The following FGD5 variants were observed in gnomAD, a reference collection of about 807,000 sequenced individuals.
FGD5 encodes FYVE, RhoGEF and PH domain-containing protein 5.
A neutral mutation model predicts 133.4 loss-of-function variants in FGD5; 28 were observed. The observed-to-expected ratio is 0.21, with a 90% CI of 0.16 to 0.29. The LOEUF is 0.29. Ranked by LOEUF, FGD5 falls within the 10% of genes least tolerant of loss-of-function variation. The pLI is 1.00. For missense variants in FGD5, 1,858 were observed against 1,895.2 expected (o/e 0.98, Z 0.36); for synonymous variants, 810 against 776.5 (o/e 1.04, Z -0.72).
rs773488518 is a variant in FGD5, at chr3:14,932,642, C to A, written c.4263C>A (p.Gly1421=). The change falls in exon 19 of 20, where the codon GGC becomes GGA. Residue 1421 remains glycine, a synonymous_variant. Transcript: ENST00000285046. ...CCATTGCTCCAGAAAAGGAAGAGGG[C>A]AGCAGTGAAGTAGGACCTATTTTTC... ...GFTIAPEKEE[G]SSEVGPIFHL... 6.2e-7 allele frequency: 1 copy of A among 1,614,040 alleles called. No individual in the cohort carries two copies. The highest frequency in any genetic ancestry group is 8.5e-7 in the Non-Finnish European group (1 of 1,179,878).
At chr3:14,818,200 C>T (rs1432462590), upstream of FGD5, among the ~76,000 whole-genome samples, 2 of 152,172 alleles carry the variant, frequency 1.3e-5, no homozygotes, top group East Asian at 1.9e-4. Context: ...TCCAGAGATC[C>T]ATGTTGGCAC....
chr3:14,867,739 T>G (rs1274406599), intron 2 of FGD5, among the ~76,000 whole-genome samples: 1 of 152,182 alleles, frequency 6.6e-6, no homozygotes, highest in Non-Finnish European at 1.5e-5. Context: ...GTCTCCATCC[T>G]CATTTGTCTT....
intron 2 of FGD5, among the ~76,000 whole-genome samples, chr3:14,871,991 A>AC (rs1460873328): frequency 1.3e-5 from 2 of 152,154 alleles, no homozygotes; most frequent in African/African-American, 4.8e-5. Context: ...CCCAGGTCCC[A>AC]CCCCATACTT....
chr3:14,919,414 C>A (rs904554764), intron 13 of FGD5, among the ~76,000 whole-genome samples: 2 of 152,070 alleles, frequency 1.3e-5, no homozygotes, highest in Non-Finnish European at 2.9e-5. Context: ...GTCACAAGAT[C>A]GAGGCCATCC....
chr3:14,926,622 ACT>A (rs1195396533), intron 18 of FGD5, among the ~76,000 whole-genome samples: 7 of 152,198 alleles, frequency 4.6e-5, no homozygotes, highest in Non-Finnish European at 1.0e-4. Flanking sequence ...TTATAGGGTA[ACT>A]CTAGTAATTC....
rs373113558 is a variant in FGD5 at position 14,924,053 on chromosome 3, C to T, written c.3983C>T (p.Ser1328Leu). The change falls in exon 17 of 20, where the codon TCG becomes TTG. Residue 1328 changes from serine (S) to leucine (L), a missense_variant. Transcript: ENST00000285046. ...MSFPLSSPRF[S>L]GSAFSSVFQS... ...TTCCCGCTGTCTTCACCCCGCTTCT[C>T]GGGCAGTGCCTTTTCATCCGTCTTC... 61 of 1,614,036 alleles carry T rather than the reference C, an allele frequency of 3.8e-5. No homozygotes were observed. The highest frequency in any genetic ancestry group is 3.3e-4 in the Middle Eastern group (2 of 6,062).
chr3:14,814,636 C>T (rs2036342455), upstream of FGD5, among the ~76,000 whole-genome samples: 1 of 152,148 alleles, frequency 6.6e-6, no homozygotes, highest in South Asian at 2.1e-4. Context: ...TCTCAACAGG[C>T]TCCTGCCTTA....
Position 14,819,926 on chromosome 3 carries a change from C to T in FGD5, c.855C>T (p.Val285=). The part of the protein sequence containing the change: ...LEEGCEEATG[V]TGGEQVDLSE... ...AGGGATGTGAAGAGGCCACGGGTGT[C>T]ACAGGTGGGGAACAGGTTGACCTCA... The change falls in exon 1 of 20, where the codon GTC becomes GTT. Residue 285 remains valine, a synonymous_variant. Coordinates refer to ENST00000285046, the MANE Select transcript of FGD5 (RefSeq NM_152536.4). The surrounding 1 kb of genome is among the most constrained non-coding windows in gnomAD (Gnocchi z 4.1). 6.2e-7 allele frequency: 1 copy of T among 1,613,928 alleles called. No homozygotes were observed. The highest frequency in any genetic ancestry group is 8.5e-7 in the Non-Finnish European group (1 of 1,179,884).
intron 2 of FGD5, among the ~76,000 whole-genome samples, chr3:14,875,814 C>G (rs1339533122): frequency 1.3e-5 from 2 of 151,960 alleles, no homozygotes; most frequent in African/African-American, 4.8e-5. Flanking sequence ...TGAGAGACAT[C>G]TGAGGAGGAG....
chr3:14,845,709 A>G (rs991775323), intron 1 of FGD5, among the ~76,000 whole-genome samples: 3 of 152,210 alleles, frequency 2.0e-5, no homozygotes, highest in African/African-American at 7.2e-5. Context: ...GGTGGGCTTC[A>G]TAGTCATCCC....
At chr3:14,834,451 A>G (rs2036776055) in intron 1 of FGD5, among the ~76,000 whole-genome samples, 2 of 152,234 alleles carry the variant, frequency 1.3e-5, no homozygotes, top group Admixed American at 1.3e-4. Flanking sequence ...GGCAGTTTGC[A>G]AGTGCTCACT....
chr3:14,870,528 G>A (rs2037586206), intron 2 of FGD5, among the ~76,000 whole-genome samples: 1 of 152,174 alleles, frequency 6.6e-6, no homozygotes, highest in African/African-American at 2.4e-5. Flanking sequence ...CCCTGGGCTT[G>A]CCTGACAGTC....
chr3:14,926,347 T>C lies in FGD5; in HGVS notation c.4197+149T>C, dbSNP rs370522465. The C allele has an allele frequency of 5.1e-4, 493 of 969,876 alleles. 1 individual carries two copies. In the African/African-American group the frequency reaches 7.3e-3, roughly 14 times the overall value. 60.1% of individuals were successfully genotyped at this position (969,876 alleles called of 1,614,324 possible). Reference sequence around the variant, plus strand: ...GTCAAGTCTTTAGTGAGCAATGCCATGTGCTCAATGTTGCTGTGGCTACAC... The same window carrying C: ...GTCAAGTCTTTAGTGAGCAATGCCACGTGCTCAATGTTGCTGTGGCTACAC... On this transcript the variant is annotated intron_variant, in intron 18 of 19. Coordinates refer to ENST00000285046, the MANE Select transcript of FGD5 (RefSeq NM_152536.4).
chr3:14,858,638 C>T (rs1433542617), intron 1 of FGD5, among the ~76,000 whole-genome samples: 1 of 152,116 alleles, frequency 6.6e-6, no homozygotes. Context: ...AATGAAAAAC[C>T]AGGCAGGCAC....
intron 11 of FGD5, among the ~76,000 whole-genome samples, chr3:14,912,535 G>T (rs1318099580): frequency 1.3e-5 from 2 of 152,168 alleles, no homozygotes; most frequent in African/African-American, 4.8e-5. Context: ...CTTTTCTCTA[G>T]GTCGTTTTTT....
intron 2 of FGD5, among the ~76,000 whole-genome samples, chr3:14,868,225 C>T (rs1349204426): frequency 6.6e-6 from 1 of 152,044 alleles, no homozygotes; most frequent in Non-Finnish European, 1.5e-5. Context: ...GGCTAAATAC[C>T]AGCTCCCCCG....
At chr3:14,895,714 AC>A (rs1436190246) in intron 4 of FGD5, among the ~76,000 whole-genome samples, 1 of 152,078 alleles carries the variant, frequency 6.6e-6, no homozygotes, top group Non-Finnish European at 1.5e-5. Context: ...GACCACAGGC[AC>A]CTGCCACCCT....
At chr3:14,823,595 GAA>G in intron 1 of FGD5, among the ~76,000 whole-genome samples, 1 of 152,218 alleles carries the variant, frequency 6.6e-6, no homozygotes, top group East Asian at 1.9e-4. Flanking sequence ...ACACAGAGAG[GAA>G]AAGGCACTTG....
intron 1 of FGD5, among the ~76,000 whole-genome samples, chr3:14,826,180 C>T (rs759769111): frequency 6.9e-4 from 105 of 152,204 alleles, no homozygotes; most frequent in Non-Finnish European, 1.2e-3. Context: ...TTAGTGTGAA[C>T]ACCCATGTGC....
Sources: allele counts gnomAD v4.1 joint callset (sites outside exome capture counted in the v4.1 genomes callset), GRCh38; gene constraint gnomAD v4.1.1; non-coding constraint Gnocchi (gnomAD v3.1); transcripts MANE v1.5; gene names NCBI Gene and HGNC (gene_info 2026-07-23, HGNC 2026-07-21).